SIPA1L1: variants seen among roughly 807,000 people sequenced by gnomAD.
SIPA1L1 encodes signal induced proliferation associated 1 like 1.
A neutral mutation model predicts 162.7 loss-of-function variants in SIPA1L1; 26 were observed. The observed-to-expected ratio is 0.16, with a 90% confidence interval of 0.12 to 0.22. SIPA1L1 has a LOEUF of 0.22. Ranked by LOEUF, SIPA1L1 falls within the 10% of genes least tolerant of loss-of-function variation. The probability of loss-of-function intolerance (pLI) is 1.00; values close to 1 mark genes in which losing one functional copy is unlikely to be tolerated. For synonymous variants in SIPA1L1, 829 were observed against 837.4 expected (o/e 0.99, Z 0.17); for missense variants, 1,874 against 2,241.0 (o/e 0.84, Z 3.31).
intron 17 of SIPA1L1, among the ~76,000 whole-genome samples, chr14:71,714,275 A>T (rs1323078967): frequency 2.6e-5 from 4 of 152,200 alleles, no homozygotes; most frequent in Admixed American, 6.5e-5. Flanking sequence ...AGAACCACTG[A>T]GGAAGAAATT....
intron 2 of SIPA1L1, among the ~76,000 whole-genome samples, chr14:71,423,340 TTATC>T (rs1009976955): frequency 1.3e-5 from 2 of 152,144 alleles, no homozygotes; most frequent in Non-Finnish European, 2.9e-5. Flanking sequence ...GAAGTCCAAT[TTATC>T]TGTTTTTTAA....
At chr14:71,542,457 G>A (rs2054513904) in intron 4 of SIPA1L1, among the ~76,000 whole-genome samples, 1 of 146,160 alleles carries the variant, frequency 6.8e-6, no homozygotes. Context: ...TCTTCTTCCT[G>A]CTGCTGCTGC....
intron 5 of SIPA1L1, among the ~76,000 whole-genome samples, chr14:71,589,926 C>G (rs1351898220): frequency 6.7e-6 from 1 of 148,796 alleles, no homozygotes; most frequent in Non-Finnish European, 1.5e-5. Context: ...TGCCAAGAAT[C>G]AAATCTCGGT....
At chr14:71,658,122 T>C (rs1373539828) in intron 8 of SIPA1L1, among the ~76,000 whole-genome samples, 1 of 152,136 alleles carries the variant, frequency 6.6e-6, no homozygotes, top group Non-Finnish European at 1.5e-5. Flanking sequence ...TTTACAAATA[T>C]TATTCTGAGA....
At chr14:71,735,964 T>C (rs1413159208) in intron 22 of SIPA1L1, among the ~76,000 whole-genome samples, 1 of 152,246 alleles carries the variant, frequency 6.6e-6, no homozygotes, top group Non-Finnish European at 1.5e-5. Context: ...GTTTTCCCCT[T>C]AGTTTCAAAA....
intron 2 of SIPA1L1, among the ~76,000 whole-genome samples, chr14:71,411,432 C>A (rs1351297194): frequency 6.6e-6 from 1 of 152,112 alleles, no homozygotes; most frequent in Non-Finnish European, 1.5e-5. Context: ...GAGAAGTTGT[C>A]CTTGAACCTG....
chr14:71,666,271 A>G (rs959095006), intron 10 of SIPA1L1, among the ~76,000 whole-genome samples: 17 of 152,234 alleles, frequency 1.1e-4, no homozygotes, highest in African/African-American at 3.6e-4. Context: ...TTTGTAGTTG[A>G]CAAAATTCAG....
intron 2 of SIPA1L1, chr14:71,418,100 T>C (rs527690880): frequency 1.8e-4 from 27 of 152,372 alleles, no homozygotes; most frequent in African/African-American, 6.3e-4. Context: ...CAACTTATTC[T>C]CACTCAGCTT....
chr14:71,424,976 A>G (rs941214418), intron 2 of SIPA1L1, among the ~76,000 whole-genome samples: 15 of 152,056 alleles, frequency 9.9e-5, no homozygotes, highest in Middle Eastern at 3.4e-3. Context: ...TTTCTTCATA[A>G]TTTAATGTTG....
Position 71,395,398 on chromosome 14 carries a change from G to A in SIPA1L1, c.-465+74217G>A, listed in dbSNP as rs1456620073. On this transcript the variant is annotated intron_variant, in intron 2 of 23. Transcript: ENST00000381232. ...CTCAAAGGCTGGGTGTGGTGGCCAT[G>A]TCTGTAAATCCTAGCGTTTTGGGAG... Among the ~76,000 whole-genome samples the A allele has an allele frequency of 2.0e-5, 3 of 152,142 alleles. No individual in the cohort carries two copies. The South Asian group carries it at 6.2e-4, about 32-fold the overall frequency.
chr14:71,735,544 G>GT, intron 22 of SIPA1L1, 153 bp downstream of exon 22: 1 of 547,004 alleles, frequency 1.8e-6, no homozygotes, highest in Non-Finnish European at 3.3e-6. Context: ...AGAACGCTTT[G>GT]TAACTGAATA....
At chr14:71,504,285 A>T (rs1290083660) in intron 2 of SIPA1L1, among the ~76,000 whole-genome samples, 1 of 152,156 alleles carries the variant, frequency 6.6e-6, no homozygotes, top group Non-Finnish European at 1.5e-5. Flanking sequence ...TGAAATGTGT[A>T]TATGTAAGAT....
At chr14:71,335,350 C>A (rs1339897083) in intron 2 of SIPA1L1, among the ~76,000 whole-genome samples, 1 of 152,160 alleles carries the variant, frequency 6.6e-6, no homozygotes, top group Non-Finnish European at 1.5e-5. Flanking sequence ...GTTTTGGGTT[C>A]TTCTAATCCA....
intron 2 of SIPA1L1, among the ~76,000 whole-genome samples, chr14:71,421,476 G>T (rs1719914784): frequency 6.6e-6 from 1 of 152,080 alleles, no homozygotes; most frequent in Non-Finnish European, 1.5e-5. Flanking sequence ...GTGTTTGCTT[G>T]TAGTCCCAGC....
intron 17 of SIPA1L1, among the ~76,000 whole-genome samples, 186 bp downstream of exon 17, chr14:71,709,850 T>C (rs973924646): frequency 1.3e-5 from 2 of 152,254 alleles, no homozygotes; most frequent in Admixed American, 1.3e-4. Context: ...TTTTAGTGCA[T>C]TATTTTAAAC....
At chr14:71,380,471 A>G (rs950421752) in intron 2 of SIPA1L1, among the ~76,000 whole-genome samples, 2 of 152,252 alleles carry the variant, frequency 1.3e-5, no homozygotes, top group South Asian at 2.1e-4. Context: ...TTTGCGATGC[A>G]TTCCAAAGAT....
At chr14:71,502,253 A>ATATAT (rs1555440974) in intron 2 of SIPA1L1, among the ~76,000 whole-genome samples, 5,308 of 89,034 alleles carry the variant, frequency 0.06, 134 homozygotes, top group Middle Eastern at 0.12. Flanking sequence ...AAAAAAAAAA[A>ATATAT]AAATATATAT....
intron 2 of SIPA1L1, among the ~76,000 whole-genome samples, chr14:71,329,053 C>T (rs1393178157): frequency 3.9e-5 from 6 of 152,150 alleles, no homozygotes; most frequent in Non-Finnish European, 5.9e-5. Flanking sequence ...AATTATTTGA[C>T]TTAGCATAAA....
chr14:71,383,154 G>A (rs908626168), intron 2 of SIPA1L1, among the ~76,000 whole-genome samples: 1 of 152,180 alleles, frequency 6.6e-6, no homozygotes, highest in Admixed American at 6.5e-5. Flanking sequence ...TTTAACTTGT[G>A]CTGTTTTAAG....
Sources: allele counts gnomAD v4.1 joint callset (sites outside exome capture counted in the v4.1 genomes callset), GRCh38; gene constraint gnomAD v4.1.1; transcripts MANE v1.5; gene names NCBI Gene and HGNC (gene_info 2026-07-23, HGNC 2026-07-21).